Variants in RANBP17 observed in about 807,000 individuals in gnomAD.
RANBP17 encodes RAN binding protein 17.
Under a neutral mutation model 141.2 loss-of-function variants are expected in RANBP17, and 158 were observed. The observed-to-expected ratio is 1.12, with a 90% CI of 0.98 to 1.28. RANBP17 has a LOEUF of 1.28. Among genes scored for constraint, RANBP17 ranks in the 50% most tolerant of loss-of-function variants. The pLI, the probability that RANBP17 is intolerant of heterozygous loss-of-function variation, is 0.00. For synonymous variants in RANBP17, 430 were observed against 450.0 expected, an observed-to-expected ratio of 0.96 and a Z score of 0.56; for missense variants, 1,438 against 1,290.7, an observed-to-expected ratio of 1.11 and a Z score of -1.75.
At chr5:171,019,047 G>A (rs929427706) in intron 14 of RANBP17, among the ~76,000 whole-genome samples, 1 of 152,102 alleles carries the variant, frequency 6.6e-6, no homozygotes, top group African/African-American at 2.4e-5. Context: ...CTGTTTATGT[G>A]GTAGATTACA....
In RANBP17 at chr5:171,154,098, G is replaced by GTT. The variant is rs70982325; in HGVS notation, c.1711-16012_1711-16011dup. Among the ~76,000 whole-genome samples the GTT allele has an allele frequency of 2.5e-4, 32 of 130,230 alleles. 1 individual carries two copies. The highest frequency in any genetic ancestry group is 6.8e-4 in the African/African-American group (24 of 35,110). 85.4% of individuals were successfully genotyped at this position (130,230 alleles called of 152,430 possible). On this transcript the variant is annotated intron_variant, in intron 14 of 27. Transcript: ENST00000523189. Reference sequence around the variant, plus strand: ...GAAATCTAAATAACAGTTCACTTTAGTTTTTTTTTTTTTTTTTTTTTAACC... The same window carrying GTT: ...GAAATCTAAATAACAGTTCACTTTAGTTTTTTTTTTTTTTTTTTTTTTTAACC...
intron 14 of RANBP17, among the ~76,000 whole-genome samples, chr5:171,021,042 G>C (rs900848673): frequency 1.3e-5 from 2 of 152,116 alleles, no homozygotes. Context: ...AGCTTAGTTT[G>C]GCTGGATATG....
chr5:170,998,367 C>T (rs6864431), intron 14 of RANBP17, among the ~76,000 whole-genome samples: 2,279 of 152,172 alleles, frequency 0.015, 48 homozygotes, highest in African/African-American at 0.051. Flanking sequence ...TTGTAAAAGA[C>T]GTAGAAGCCA....
intron 16 of RANBP17, among the ~76,000 whole-genome samples, chr5:171,172,188 T>G (rs1435672834): frequency 6.6e-6 from 1 of 151,908 alleles, no homozygotes; most frequent in African/African-American, 2.4e-5. Context: ...TGGTAAACCA[T>G]AAAAGATTTC....
chr5:170,912,712 C>A (rs1771631295), intron 7 of RANBP17, among the ~76,000 whole-genome samples: 2 of 150,826 alleles, frequency 1.3e-5, no homozygotes, highest in Admixed American at 6.6e-5. Context: ...GAAAAAAAAA[C>A]CAAGAAAACT....
chr5:171,093,183 C>G (rs1418514601), intron 14 of RANBP17, among the ~76,000 whole-genome samples: 2 of 148,772 alleles, frequency 1.3e-5, no homozygotes, highest in African/African-American at 5.0e-5. Flanking sequence ...GCACTCCAGA[C>G]TGGACAATAG....
At chr5:171,194,799 A>G (rs1186590720) in intron 18 of RANBP17, among the ~76,000 whole-genome samples, 2 of 152,338 alleles carry the variant, frequency 1.3e-5, no homozygotes, top group East Asian at 3.9e-4. Context: ...CAGTGACTAC[A>G]CCATATTAAC....
At chr5:170,882,580 T>A (rs1027467634) in intron 3 of RANBP17, among the ~76,000 whole-genome samples, 4 of 152,204 alleles carry the variant, frequency 2.6e-5, no homozygotes, top group Non-Finnish European at 4.4e-5. Flanking sequence ...GATTCAAAGC[T>A]ACTCTACCTG....
chr5:171,162,173 G>C (rs1759398308), intron 14 of RANBP17, among the ~76,000 whole-genome samples: 1 of 152,102 alleles, frequency 6.6e-6, no homozygotes, highest in African/African-American at 2.4e-5. Flanking sequence ...ATTTACCCAG[G>C]GCTTTACCAT....
chr5:170,980,524 G>A (rs985560105), intron 14 of RANBP17, among the ~76,000 whole-genome samples: 7 of 152,138 alleles, frequency 4.6e-5, no homozygotes, highest in East Asian at 1.9e-4. Flanking sequence ...GCCCTGTGTC[G>A]CAGCTGCTCC....
chr5:170,965,024 A>G (rs1158617941), intron 13 of RANBP17, among the ~76,000 whole-genome samples: 1 of 152,206 alleles, frequency 6.6e-6, no homozygotes, highest in African/African-American at 2.4e-5. Context: ...ACTGTGTGAA[A>G]GTGTTCCTAT....
intron 22 of RANBP17, among the ~76,000 whole-genome samples, chr5:171,236,786 A>G (rs1316694535): frequency 1.3e-5 from 2 of 152,206 alleles, no homozygotes; most frequent in Non-Finnish European, 2.9e-5. Flanking sequence ...TAGATGAGGA[A>G]ACTGTGAAGT....
At chr5:171,072,050 G>C (rs542383140) in intron 14 of RANBP17, among the ~76,000 whole-genome samples, 3 of 152,194 alleles carry the variant, frequency 2.0e-5, no homozygotes, top group African/African-American at 7.2e-5. Flanking sequence ...CAGTAAGTGT[G>C]ATAGGAAGAA....
In RANBP17 at chr5:171,299,827, C is replaced by T. The variant is rs140444635; in HGVS notation, c.*969C>T. 1.5e-4 allele frequency: 34 copies of T among 222,030 alleles called. No homozygotes were observed. The highest frequency in any genetic ancestry group is 7.1e-4 in the African/African-American group (32 of 44,778). 13.8% of individuals were successfully genotyped at this position (222,030 alleles called of 1,614,324 possible). On this transcript the variant is annotated 3_prime_UTR_variant, in exon 28 of 28. Transcript: ENST00000523189. ...ACCCAGAACATGAAGAAGACCTTTACAGTTTGTGCTCTACTGTTACTAGGC... is the reference window on the plus strand; with the variant it reads ...ACCCAGAACATGAAGAAGACCTTTATAGTTTGTGCTCTACTGTTACTAGGC...
intron 4 of RANBP17, among the ~76,000 whole-genome samples, chr5:170,893,503 C>T (rs1458981614): frequency 6.6e-6 from 1 of 152,086 alleles, no homozygotes; most frequent in Non-Finnish European, 1.5e-5. Context: ...GCTAAAGAAA[C>T]ATGATCTGGA....
intron 3 of RANBP17, among the ~76,000 whole-genome samples, chr5:170,883,442 T>C (rs573712586): frequency 5.3e-5 from 8 of 152,160 alleles, no homozygotes; most frequent in Non-Finnish European, 1.0e-4. Flanking sequence ...CATTGATACA[T>C]CATCATTAAC....
rs572017722 is a variant in RANBP17 at position 171,118,303 on chromosome 5, G to A, written c.1711-51827G>A. On this transcript the variant is annotated intron_variant, in intron 14 of 27. Coordinates refer to ENST00000523189, the MANE Select transcript of RANBP17 (RefSeq NM_022897.5). The stretch of plus-strand genomic sequence containing the variant: ...ATACCGTTTAGCTTACTACAGCTTT[G>A]TATTACATTTTGAAGTCTAGTAGTC... 2.6e-5 allele frequency among the ~76,000 whole-genome samples: 4 copies of A among 152,204 alleles called. No homozygotes were observed. In the East Asian group the frequency reaches 7.7e-4, roughly 29 times the overall value.
At chr5:170,989,666 A>G (rs1031053976) in intron 14 of RANBP17, among the ~76,000 whole-genome samples, 5 of 151,742 alleles carry the variant, frequency 3.3e-5, no homozygotes, top group Non-Finnish European at 5.9e-5. Flanking sequence ...AGAGCTTGGT[A>G]TTAAGTAGTT....
At chr5:170,930,560 C>T (rs1188506629) in intron 12 of RANBP17, among the ~76,000 whole-genome samples, 1 of 151,978 alleles carries the variant, frequency 6.6e-6, no homozygotes, top group Non-Finnish European at 1.5e-5. Context: ...TCCCTCCCCG[C>T]TCCCCCCACT....
Sources: allele counts gnomAD v4.1 joint callset (sites outside exome capture counted in the v4.1 genomes callset), GRCh38; gene constraint gnomAD v4.1.1; transcripts MANE v1.5; gene names NCBI Gene and HGNC (gene_info 2026-07-23, HGNC 2026-07-21).